Variants in PHACTR1 observed in about 807,000 individuals in gnomAD.
The protein encoded by PHACTR1 is RPEL repeat containing 1.
Under a neutral mutation model 69.2 loss-of-function variants are expected in PHACTR1, and 16 were observed. The ratio of observed to expected loss-of-function variants is 0.23; its 90% CI spans 0.16 to 0.35. The LOEUF (loss-of-function observed/expected upper bound fraction) is 0.35, where lower values mean the gene tolerates loss of function less well. Among genes scored for constraint, PHACTR1 ranks in the 10% least tolerant of loss-of-function variants. PHACTR1 has a pLI of 1.00. For missense variants in PHACTR1, 510 were observed against 734.7 expected, an observed-to-expected ratio of 0.69 and a Z score of 3.54; for synonymous variants, 312 against 284.5, an observed-to-expected ratio of 1.10 and a Z score of -0.97.
chr6:13,059,737 A>G (rs1807403476), intron 5 of PHACTR1, among the ~76,000 whole-genome samples: 1 of 152,166 alleles, frequency 6.6e-6, no homozygotes, highest in African/African-American at 2.4e-5. Context: ...ATCTGAGATG[A>G]GTACTTTGGA....
At chr6:12,842,630 C>T (rs1778805761) in intron 4 of PHACTR1, among the ~76,000 whole-genome samples, 1 of 152,158 alleles carries the variant, frequency 6.6e-6, no homozygotes, top group African/African-American at 2.4e-5. Flanking sequence ...CAGCCTCCAC[C>T]TCCTGGGCCT....
intron 4 of PHACTR1, among the ~76,000 whole-genome samples, chr6:12,906,181 G>A (rs574898006): frequency 9.8e-6 from 1 of 102,110 alleles, no homozygotes; most frequent in African/African-American, 2.7e-5. Flanking sequence ...CAGTTAGAAT[G>A]ACTTAAAAAT....
chr6:12,927,651 G>A (rs12176425), intron 4 of PHACTR1, among the ~76,000 whole-genome samples: 26,273 of 152,128 alleles, frequency 0.17, 5,234 homozygotes, highest in African/African-American at 0.49. Flanking sequence ...AAACACTATA[G>A]CAAACAGCAT....
chr6:12,919,339 C>T (rs1787384110), intron 4 of PHACTR1, among the ~76,000 whole-genome samples: 1 of 151,956 alleles, frequency 6.6e-6, no homozygotes, highest in Non-Finnish European at 1.5e-5. Context: ...GACGGGGTTT[C>T]ACCATGTTGG....
intron 7 of PHACTR1, among the ~76,000 whole-genome samples, 188 bp from the exon 8 acceptor site, chr6:13,205,627 G>C (rs954998459): frequency 6.6e-6 from 1 of 152,202 alleles, no homozygotes; most frequent in Non-Finnish European, 1.5e-5. Context: ...AAGTGCACTT[G>C]GAGTAGGAAA....
At chr6:12,907,933 T>C (rs1197985559) in intron 4 of PHACTR1, among the ~76,000 whole-genome samples, 1 of 152,214 alleles carries the variant, frequency 6.6e-6, no homozygotes, top group Non-Finnish European at 1.5e-5. Context: ...GGAACATCAA[T>C]GTCATGTTTT....
At chr6:12,801,093 A>G (rs187558599) in intron 4 of PHACTR1, among the ~76,000 whole-genome samples, 1 of 152,300 alleles carries the variant, frequency 6.6e-6, no homozygotes, top group East Asian at 1.9e-4. Context: ...AATAATGCTG[A>G]AAATAGATGT....
At chr6:12,875,605 G>C (rs915291301) in intron 4 of PHACTR1, among the ~76,000 whole-genome samples, 1 of 152,114 alleles carries the variant, frequency 6.6e-6, no homozygotes, top group African/African-American at 2.4e-5. Context: ...AGTCCAATTT[G>C]ACCTAAACCT....
chr6:12,733,979 G>T (rs1763907734), intron 3 of PHACTR1, among the ~76,000 whole-genome samples: 1 of 152,120 alleles, frequency 6.6e-6, no homozygotes, highest in African/African-American at 2.4e-5. Context: ...ATCTGCTTGG[G>T]TCTCTGCCCA....
At chr6:12,967,957 G>A (rs1011461241) in intron 4 of PHACTR1, among the ~76,000 whole-genome samples, 2 of 152,232 alleles carry the variant, frequency 1.3e-5, no homozygotes. Flanking sequence ...ACAGACGCCT[G>A]AGCAGAGGCT....
At chr6:12,749,334 T>A (rs1191321160) in intron 3 of PHACTR1, 2 of 453,730 alleles carry the variant, frequency 4.4e-6, no homozygotes, top group African/African-American at 4.0e-5. Context: ...CACTGGCCCC[T>A]CGGCCCTGTG....
intron 10 of PHACTR1, among the ~76,000 whole-genome samples, chr6:13,255,269 G>A (rs1014806768): frequency 2.0e-5 from 3 of 152,124 alleles, no homozygotes; most frequent in Non-Finnish European, 4.4e-5. Context: ...CCAAGGGGAA[G>A]GTGCTAACCC....
At chr6:12,793,474 A>T (rs757463167) in intron 4 of PHACTR1, among the ~76,000 whole-genome samples, 9 of 152,350 alleles carry the variant, frequency 5.9e-5, no homozygotes, top group East Asian at 3.9e-4. Context: ...AAAATTTAAT[A>T]AATGATGTTG....
intron 11 of PHACTR1, chr6:13,278,040 A>C: frequency 2.7e-6 from 1 of 369,196 alleles, no homozygotes; most frequent in Non-Finnish European, 5.1e-6. Context: ...TGTGATGTAA[A>C]GAAGGCAAAA....
intron 14 of PHACTR1, among the ~76,000 whole-genome samples, chr6:13,286,478 C>T (rs1479430486): frequency 2.0e-5 from 3 of 152,252 alleles, no homozygotes; most frequent in Non-Finnish European, 4.4e-5. Flanking sequence ...AAGCACCAGA[C>T]TACCAACGAC....
At position 13,230,277 on chromosome 6, in the gene PHACTR1, C is replaced by T. The variant is rs766129571; in HGVS notation, c.1391+84C>T. ...GCAAAAGAATTCAGTCTCGGCCGGG[C>T]GCAGTAGCTTATGCCTGTAATCCCA... On this transcript the variant is annotated intron_variant, in intron 10 of 14. Transcript: ENST00000332995. 245 of 1,545,454 alleles carry T rather than the reference C, an allele frequency of 1.6e-4. 1 individual carries two copies. In the South Asian group the frequency reaches 1.9e-3, roughly 12 times the overall value.
At chr6:13,248,293 A>G (rs1226120793) in intron 10 of PHACTR1, among the ~76,000 whole-genome samples, 2 of 152,254 alleles carry the variant, frequency 1.3e-5, no homozygotes, top group Admixed American at 6.5e-5. Flanking sequence ...CCGTAAATGC[A>G]TATAGCTTTG....
chr6:13,232,790 C>T (rs1771429575), intron 10 of PHACTR1, among the ~76,000 whole-genome samples: 3 of 152,166 alleles, frequency 2.0e-5, no homozygotes. Flanking sequence ...TGGGCTACTC[C>T]TGACCCAGCT....
chr6:12,752,933 C>T (rs1050211673), intron 4 of PHACTR1, among the ~76,000 whole-genome samples: 3 of 152,150 alleles, frequency 2.0e-5, no homozygotes, highest in African/African-American at 7.2e-5. Flanking sequence ...TTCTAAGAGT[C>T]CTTTTTCTAG....
Sources: allele counts gnomAD v4.1 joint callset (sites outside exome capture counted in the v4.1 genomes callset), GRCh38; gene constraint gnomAD v4.1.1; transcripts MANE v1.5; gene names NCBI Gene and HGNC (gene_info 2026-07-23, HGNC 2026-07-21).